Variants in CREB3L1 observed in about 807,000 individuals in gnomAD.
CREB3L1 encodes cyclic AMP-responsive element-binding protein 3-like protein 1.
A neutral mutation model predicts 54.5 loss-of-function variants in CREB3L1; 33 were observed. The observed-to-expected ratio is 0.61, with a 90% CI of 0.46 to 0.81. The LOEUF is 0.81. CREB3L1 is among the 30% of genes least tolerant of loss of function. CREB3L1 has a pLI of 0.00. For synonymous variants in CREB3L1, 284 were observed against 286.4 expected, an observed-to-expected ratio of 0.99 and a Z score of 0.08; for missense variants, 656 against 673.3, an observed-to-expected ratio of 0.97 and a Z score of 0.29.
At position 46,278,270 on chromosome 11, in the gene CREB3L1, G is replaced by T. The variant is rs904965214; in HGVS notation, c.102+57G>T. On this transcript the variant is annotated intron_variant, in intron 1 of 11. Coordinates refer to ENST00000621158, the MANE Select transcript of CREB3L1 (RefSeq NM_052854.4). The surrounding 1 kb of genome is among the most constrained non-coding windows in gnomAD (Gnocchi z 4.2). The stretch of plus-strand genomic sequence containing the variant: ...CCCTCGGCACCCGTCCTCGCGGCGC[G>T]CCTGGGCCCCTAGAAGGACCCGACT... The T allele has an allele frequency of 4.9e-6, 6 of 1,223,268 alleles. No individual in the cohort carries two copies. Among genetic ancestry groups the T allele is most frequent in the East Asian group, 2.8e-5 (1 of 35,966 alleles). The allele number at this position is 1,223,268 out of a possible 1,614,324, so 75.8% of individuals were successfully genotyped here.
chr11:46,317,292 G>A, intron 9 of CREB3L1, 69 bp from the exon 10 acceptor site: 11 of 1,594,212 alleles, frequency 6.9e-6, no homozygotes, highest in Non-Finnish European at 8.6e-6. Flanking sequence ...TGGGAGAGGA[G>A]GAGTGGGGTG....
At chr11:46,287,028 T>C (rs1009257610) in intron 1 of CREB3L1, among the ~76,000 whole-genome samples, 2 of 152,160 alleles carry the variant, frequency 1.3e-5, no homozygotes, top group African/African-American at 4.8e-5. Context: ...ACAGGTCAGA[T>C]GGCAGATGAT....
chr11:46,292,893 A>C (rs1160528321), intron 1 of CREB3L1, among the ~76,000 whole-genome samples: 1 of 152,004 alleles, frequency 6.6e-6, no homozygotes, highest in Non-Finnish European at 1.5e-5. Context: ...AAGTGCTAGG[A>C]TTACAAGTGT....
intron 11 of CREB3L1, 27 bp from the exon 12 acceptor site, chr11:46,320,683 C>T (rs1344827744): frequency 6.2e-7 from 1 of 1,605,600 alleles, no homozygotes; most frequent in African/African-American, 1.3e-5. Flanking sequence ...GCTGGACAGT[C>T]ATCGCTGGCC....
chr11:46,295,636 C>T lies in CREB3L1; in HGVS notation c.103-4299C>T, dbSNP rs1372503046. The stretch of plus-strand genomic sequence containing the variant: ...CTGCACTCCTCCGGTGCCCTCCACG[C>T]CGCCACCGGCTGCTGCTCGCAGCCT... On this transcript the variant is annotated intron_variant, in intron 1 of 11. Coordinates refer to ENST00000621158, the MANE Select transcript of CREB3L1 (RefSeq NM_052854.4). This position sits in a 1 kb window ranked among gnomAD's most constrained non-coding sequence, Gnocchi z 4.6. Among the ~76,000 whole-genome samples, 2 of 152,238 alleles carry T rather than the reference C, an allele frequency of 1.3e-5. No individual in the cohort carries two copies. Among genetic ancestry groups the T allele is most frequent in the Non-Finnish European group, 2.9e-5 (2 of 68,034 alleles).
intron 5 of CREB3L1, among the ~76,000 whole-genome samples, chr11:46,311,900 C>T (rs1939491953): frequency 6.6e-6 from 1 of 152,228 alleles, no homozygotes; most frequent in Non-Finnish European, 1.5e-5. Flanking sequence ...CCCAGGCTGC[C>T]TCCAAGGAGC....
Position 46,312,413 on chromosome 11 carries a change from T to A in CREB3L1, c.842T>A (p.Leu281His). Residue 281 changes from leucine to histidine, a missense_variant, in exon 6 of 12, where the codon CTC (leucine) becomes CAC (histidine). Leu to His is a moderately conservative substitution (Grantham distance 99). Around this residue, in one of 3 missense-constraint regions of CREB3L1, gnomAD observed 77 missense variants for 122.0 expected, o/e 0.63. Transcript: ENST00000621158. ...GAGGGCTACCCCATCCCCACAAAAC[T>A]CCCCCTCACCAAAGCCGAGGAGAAG... Reference protein sequence around the residue: ...IAEGYPIPTKLPLTKAEEKAL... With the variant: ...IAEGYPIPTKHPLTKAEEKAL... 1 of 1,612,886 alleles carries A rather than the reference T, an allele frequency of 6.2e-7. No individual in the cohort carries two copies. The highest frequency in any genetic ancestry group is 8.5e-7 in the Non-Finnish European group (1 of 1,179,644).
chr11:46,301,581 T>C (rs1939302760), intron 2 of CREB3L1, among the ~76,000 whole-genome samples: 1 of 151,916 alleles, frequency 6.6e-6, no homozygotes, highest in African/African-American at 2.4e-5. Context: ...GAGAATCACT[T>C]GAACCTGGGA....
At chr11:46,305,149 G>A (rs1939361389) in intron 2 of CREB3L1, among the ~76,000 whole-genome samples, 1 of 152,160 alleles carries the variant, frequency 6.6e-6, no homozygotes, top group East Asian at 1.9e-4. Context: ...TGTCTTACCC[G>A]CTGCTTCAAT....
chr11:46,310,921 C>T lies in CREB3L1; in HGVS notation c.596-111C>T, dbSNP rs548853523. On this transcript the variant is annotated intron_variant, in intron 4 of 11. Transcript: ENST00000621158. The stretch of plus-strand genomic sequence containing the variant: ...TAGCTGAGACCAAGCGCCTGGCAGT[C>T]CGTGTCCCACAATGTCAGGGCTGGT... 8.5e-5 allele frequency: 121 copies of T among 1,430,102 alleles called. No homozygotes were observed. In the South Asian group the frequency reaches 1.8e-3, roughly 21 times the overall value. The allele number at this position is 1,430,102 out of a possible 1,614,324, so 88.6% of individuals were successfully genotyped here. A position where few individuals can be genotyped will look rare whatever the true frequency, so the allele number is the denominator to read the frequency against.
At chr11:46,285,285 C>G (rs973112722) in intron 1 of CREB3L1, among the ~76,000 whole-genome samples, 4 of 152,218 alleles carry the variant, frequency 2.6e-5, no homozygotes, top group Admixed American at 2.0e-4. Context: ...CAGGCTGTTT[C>G]TCTGGAAGTC....
In CREB3L1 at chr11:46,321,015, C is replaced by A; in HGVS notation, c.*269C>A. ...TACCCCACCTCCTCTCTCATATGCC[C>A]AACACGACCACTGCCTCCCTGCCCC... On this transcript the variant is annotated 3_prime_UTR_variant, in exon 12 of 12. Transcript: ENST00000621158. 1 of 620,152 alleles carries A rather than the reference C, an allele frequency of 1.6e-6. No individual in the cohort carries two copies. The highest frequency in any genetic ancestry group is 3.0e-6 in the Non-Finnish European group (1 of 337,284). 38.4% of individuals were successfully genotyped at this position (620,152 alleles called of 1,614,324 possible).
chr11:46,321,178 G>T lies in CREB3L1; in HGVS notation c.*432G>T. On this transcript the variant is annotated 3_prime_UTR_variant, in exon 12 of 12. Coordinates refer to ENST00000621158, the MANE Select transcript of CREB3L1 (RefSeq NM_052854.4). ...TTTTTTATTATTGCCAATCCCCTAA[G>T]ATATTGTATTTTACAAATCTCCCTC... The T allele has an allele frequency of 2.8e-6, 1 of 355,844 alleles. No homozygotes were observed. Among genetic ancestry groups the T allele is most frequent in the East Asian group, 4.2e-5 (1 of 23,938 alleles). The allele number at this position is 355,844 out of a possible 1,614,324, so 22.0% of individuals were successfully genotyped here. A position where few individuals can be genotyped will look rare whatever the true frequency, so the allele number is the denominator to read the frequency against.
intron 5 of CREB3L1, 52 bp downstream of exon 5, chr11:46,311,241 A>AT: frequency 6.9e-7 from 1 of 1,456,376 alleles, no homozygotes. Context: ...GAATACATCC[A>AT]CCTGAGCACA....
chr11:46,311,217 A>G (rs986821504), intron 5 of CREB3L1, 28 bp downstream of exon 5: 5 of 1,515,416 alleles, frequency 3.3e-6, no homozygotes, highest in Admixed American at 4.1e-5. Context: ...GGCTGATCCC[A>G]GAAATGAGGA....
chr11:46,303,285 G>A (rs1251729700), intron 2 of CREB3L1, among the ~76,000 whole-genome samples: 4 of 152,244 alleles, frequency 2.6e-5, no homozygotes, highest in East Asian at 1.9e-4. Context: ...GAGAGTTCTC[G>A]TCAGGCTTAA....
At chr11:46,305,448 A>T (rs887289753) in intron 2 of CREB3L1, among the ~76,000 whole-genome samples, 1 of 151,480 alleles carries the variant, frequency 6.6e-6, no homozygotes, top group Non-Finnish European at 1.5e-5. Flanking sequence ...CACAACTGCC[A>T]CTGCCTTTGC....
chr11:46,304,862 G>A (rs890710319), intron 2 of CREB3L1, among the ~76,000 whole-genome samples: 15 of 152,054 alleles, frequency 9.9e-5, no homozygotes, highest in South Asian at 2.1e-4. Flanking sequence ...CAGCTCCCAC[G>A]TCTATTTTTA....
At chr11:46,294,137 G>T (rs1939170085) in intron 1 of CREB3L1, among the ~76,000 whole-genome samples, 1 of 152,122 alleles carries the variant, frequency 6.6e-6, no homozygotes, top group Non-Finnish European at 1.5e-5. Context: ...ATGCATGCGT[G>T]CACACACACA....
Sources: gnomAD v4.1 joint callset for allele counts (sites outside exome capture counted in the v4.1 genomes callset) on GRCh38, gnomAD v4.1.1 for gene constraint, gnomAD v4.1.1 regional missense constraint, Gnocchi (gnomAD v3.1) non-coding constraint, MANE v1.5 for transcripts, NCBI Gene and HGNC (gene_info 2026-07-23, HGNC 2026-07-21) for gene names.